The following ANGPT1 variants were observed in gnomAD, a reference collection of about 807,000 sequenced individuals.
ANGPT1 encodes angiopoietin 1.
ANGPT1 carries 17 observed loss-of-function variants against 62.2 expected under a neutral mutation model. The observed-to-expected ratio is 0.27, with a 90% confidence interval of 0.19 to 0.41. The LOEUF is 0.41. ANGPT1 is among the 10% of genes least tolerant of loss of function. The probability of loss-of-function intolerance (pLI) is 1.00; values close to 1 mark genes in which losing one functional copy is unlikely to be tolerated. For missense variants in ANGPT1, 478 were observed against 594.9 expected (o/e 0.80, Z 2.04); for synonymous variants, 199 against 198.9 (o/e 1.00, Z 0.00).
At chr8:107,491,849 C>T (rs1812965836) in intron 1 of ANGPT1, among the ~76,000 whole-genome samples, 1 of 152,040 alleles carries the variant, frequency 6.6e-6, no homozygotes, top group African/African-American at 2.4e-5. Context: ...AAGCCAATAC[C>T]TTTATATGAG....
chr8:107,413,201 A>C (rs1390204242), intron 1 of ANGPT1, among the ~76,000 whole-genome samples: 2 of 152,122 alleles, frequency 1.3e-5, no homozygotes, highest in African/African-American at 4.8e-5. Flanking sequence ...TAAGTTGCAA[A>C]TATATTCTCA....
At chr8:107,435,484 G>C (rs975226156) in intron 1 of ANGPT1, among the ~76,000 whole-genome samples, 3 of 152,140 alleles carry the variant, frequency 2.0e-5, no homozygotes, top group Non-Finnish European at 4.4e-5. Flanking sequence ...CTGGTGCTAG[G>C]CCCATAATTT....
chr8:107,417,730 T>C (rs1810790660), intron 1 of ANGPT1, among the ~76,000 whole-genome samples: 1 of 152,156 alleles, frequency 6.6e-6, no homozygotes, highest in African/African-American at 2.4e-5. Flanking sequence ...CATATTACTT[T>C]CTCTCTTCAA....
At position 107,303,322 on chromosome 8, in the gene ANGPT1, T is replaced by C; in HGVS notation, c.854A>G (p.Asp285Gly). 1 of 1,604,728 alleles carries C rather than the reference T, an allele frequency of 6.2e-7. No homozygotes were observed. The highest frequency in any genetic ancestry group is 8.5e-7 in the Non-Finnish European group (1 of 1,174,268). Residue 285 changes from aspartate (D) to glycine (G), a missense_variant, in exon 5 of 9, where the codon GAC becomes GGC. Physicochemically the swap from Asp to Gly is moderately conservative, Grantham distance 94. Transcript: ENST00000517746. Reference sequence around the variant, plus strand: ...ACCAGCTTGATATACATCTGCACAGTCTCTAAATGGTTTCTCTTCCTCTCT... The same window carrying C: ...ACCAGCTTGATATACATCTGCACAGCCTCTAAATGGTTTCTCTTCCTCTCT... ...GKREEEKPFRDCADVYQAGFN... is the reference protein window; with the variant it reads ...GKREEEKPFRGCADVYQAGFN...
At chr8:107,407,466 G>A (rs920637401) in intron 1 of ANGPT1, among the ~76,000 whole-genome samples, 1 of 152,088 alleles carries the variant, frequency 6.6e-6, no homozygotes, top group Non-Finnish European at 1.5e-5. Flanking sequence ...TTAAAAGCCT[G>A]TTTTCAAAAG....
intron 8 of ANGPT1, among the ~76,000 whole-genome samples, chr8:107,253,406 T>C (rs941686057): frequency 1.3e-5 from 2 of 152,194 alleles, no homozygotes; most frequent in Non-Finnish European, 2.9e-5. Flanking sequence ...ATTCTAATAT[T>C]AGTGAATTTA....
intron 6 of ANGPT1, among the ~76,000 whole-genome samples, chr8:107,292,226 T>C (rs1814295586): frequency 6.6e-6 from 1 of 152,146 alleles, no homozygotes; most frequent in African/African-American, 2.4e-5. Context: ...TTTCTCCAGG[T>C]GTTTACCTGT....
At chr8:107,436,546 C>T (rs1811340454) in intron 1 of ANGPT1, among the ~76,000 whole-genome samples, 1 of 152,142 alleles carries the variant, frequency 6.6e-6, no homozygotes, top group African/African-American at 2.4e-5. Context: ...CTCTTCTTTG[C>T]TACCAATTTC....
intron 1 of ANGPT1, among the ~76,000 whole-genome samples, chr8:107,469,123 TG>T (rs1274698465): frequency 6.6e-6 from 1 of 152,080 alleles, no homozygotes; most frequent in Non-Finnish European, 1.5e-5. Context: ...GTGTCTACCA[TG>T]TGTCATAGGT....
chr8:107,483,053 A>G (rs935138558), intron 1 of ANGPT1, among the ~76,000 whole-genome samples: 15 of 152,222 alleles, frequency 9.9e-5, no homozygotes, highest in Non-Finnish European at 1.9e-4. Flanking sequence ...ATAGGCTTAT[A>G]GAGTTTATTT....
chr8:107,296,598 A>G (rs745352053), intron 5 of ANGPT1, among the ~76,000 whole-genome samples: 2 of 152,124 alleles, frequency 1.3e-5, no homozygotes, highest in Non-Finnish European at 2.9e-5. Context: ...GTGATTCAAG[A>G]GAAGTGGTCA....
Position 107,375,157 on chromosome 8 carries a change from T to TCAAA in ANGPT1, c.298-28064_298-28061dup, listed in dbSNP as rs56165041. Among the ~76,000 whole-genome samples, 281 of 150,610 alleles carry TCAAA rather than the reference T, an allele frequency of 1.9e-3. 2 individuals carry two copies. The highest frequency in any genetic ancestry group is 3.5e-3 in the Middle Eastern group (1 of 286). On this transcript the variant is annotated intron_variant, in intron 1 of 8. Coordinates refer to ENST00000517746, the MANE Select transcript of ANGPT1 (RefSeq NM_001146.5). ...CCTGGTGACAGAGTGAGACTCCATC[T>TCAAA]CAAACAAACAAACAAACAAACAAAC...
intron 1 of ANGPT1, among the ~76,000 whole-genome samples, chr8:107,482,868 G>A (rs1330508930): frequency 2.0e-5 from 3 of 152,098 alleles, no homozygotes; most frequent in Non-Finnish European, 4.4e-5. Flanking sequence ...GGAATGATGT[G>A]TCCTTCTGAT....
chr8:107,348,636 A>C (rs907705951), intron 1 of ANGPT1, among the ~76,000 whole-genome samples: 1 of 152,242 alleles, frequency 6.6e-6, no homozygotes, highest in African/African-American at 2.4e-5. Flanking sequence ...CTGTAGGCCA[A>C]ATCTTGACTT....
At chr8:107,382,360 G>A (rs926563275) in intron 1 of ANGPT1, among the ~76,000 whole-genome samples, 2 of 152,008 alleles carry the variant, frequency 1.3e-5, no homozygotes, top group African/African-American at 4.8e-5. Context: ...CAATAGCAGA[G>A]TATCCAAGTC....
intron 1 of ANGPT1, among the ~76,000 whole-genome samples, chr8:107,413,367 C>T (rs1198850132): frequency 6.6e-6 from 1 of 152,058 alleles, no homozygotes; most frequent in Admixed American, 6.6e-5. Flanking sequence ...TCTTCTGTAG[C>T]TATTTTGCTC....
chr8:107,442,830 G>T (rs996202259), intron 1 of ANGPT1, among the ~76,000 whole-genome samples: 3 of 152,118 alleles, frequency 2.0e-5, no homozygotes, highest in African/African-American at 7.2e-5. Flanking sequence ...TAGTAACTCA[G>T]CCTGCTAAGT....
chr8:107,394,767 G>GTATTAA (rs1816902607), intron 1 of ANGPT1, among the ~76,000 whole-genome samples: 1 of 151,982 alleles, frequency 6.6e-6, no homozygotes, highest in African/African-American at 2.4e-5. Context: ...TTTCCTTTCT[G>GTATTAA]TATTTATATT....
At chr8:107,441,899 C>T (rs1238316815) in intron 1 of ANGPT1, among the ~76,000 whole-genome samples, 2 of 152,090 alleles carry the variant, frequency 1.3e-5, no homozygotes, top group East Asian at 3.9e-4. Context: ...GCCTGACCAA[C>T]ATAGTGAAAC....
Sources: allele counts gnomAD v4.1 joint callset (sites outside exome capture counted in the v4.1 genomes callset), GRCh38; gene constraint gnomAD v4.1.1; transcripts MANE v1.5; gene names NCBI Gene and HGNC (gene_info 2026-07-23, HGNC 2026-07-21).